The following RASGRF2 variants were observed in gnomAD, a reference collection of about 807,000 sequenced individuals.
RASGRF2 encodes Ras protein specific guanine nucleotide releasing factor 2.
Under a neutral mutation model 151.0 loss-of-function variants are expected in RASGRF2, and 76 were observed. The observed-to-expected ratio is 0.50, with a 90% CI of 0.42 to 0.61. The LOEUF is 0.61. RASGRF2 is among the 20% of genes least tolerant of loss of function. The pLI is 0.00. For missense variants in RASGRF2, 1,148 were observed against 1,564.6 expected (o/e 0.73, Z 4.49); for synonymous variants, 504 against 566.5 (o/e 0.89, Z 1.57).
chr5:81,158,150 T>C (rs1272473758), intron 17 of RASGRF2, among the ~76,000 whole-genome samples: 3 of 152,184 alleles, frequency 2.0e-5, no homozygotes. Context: ...GTTAGCAAGA[T>C]AGTACAGTAT....
intron 17 of RASGRF2, among the ~76,000 whole-genome samples, chr5:81,144,154 A>G (rs1753950425): frequency 6.6e-6 from 1 of 152,246 alleles, no homozygotes; most frequent in Non-Finnish European, 1.5e-5. Context: ...CTCATACATT[A>G]AAAGGATGTG....
In RASGRF2 at chr5:81,113,418, C is replaced by A. The variant is rs541298094; in HGVS notation, c.2088-120C>A. The A allele has an allele frequency of 2.1e-4, 253 of 1,205,584 alleles. 1 individual carries two copies. In the African/African-American group the frequency reaches 3.6e-3, roughly 17 times the overall value. 74.7% of individuals were successfully genotyped at this position (1,205,584 alleles called of 1,614,324 possible). On this transcript the variant is annotated intron_variant, in intron 14 of 26. Coordinates refer to ENST00000265080, the MANE Select transcript of RASGRF2 (RefSeq NM_006909.3). ...TGTAGCATTTAGATTAACGGAAGTC[C>A]AGCAATAGAAGTGCAATGAGATTGT...
At chr5:81,196,448 C>A (rs991745039) in intron 18 of RASGRF2, among the ~76,000 whole-genome samples, 1 of 152,226 alleles carries the variant, frequency 6.6e-6, no homozygotes, top group East Asian at 1.9e-4. Context: ...TATTCAACTG[C>A]GACCATTTGT....
At chr5:80,978,136 G>A (rs1158579359) in intron 1 of RASGRF2, among the ~76,000 whole-genome samples, 1 of 151,834 alleles carries the variant, frequency 6.6e-6, no homozygotes, top group Non-Finnish European at 1.5e-5. Flanking sequence ...AAAATAATAG[G>A]GTTTTCTTCA....
rs551621981 is a variant in RASGRF2, at chr5:81,093,654, A to G, written c.1552-642A>G. On this transcript the variant is annotated intron_variant, in intron 10 of 26. Transcript: ENST00000265080. ...GGTCTTGAACTCCTGGCATCAAGTG[A>G]TCCTCCTGCCTTGGCCTCCCAAAGT... 1.3e-3 allele frequency among the ~76,000 whole-genome samples: 201 copies of G among 152,184 alleles called. 1 individual carries two copies. Among genetic ancestry groups the G allele is most frequent in the Non-Finnish European group, 1.5e-3 (103 of 68,008 alleles).
chr5:80,994,168 A>G (rs569770635), intron 1 of RASGRF2, among the ~76,000 whole-genome samples: 54 of 152,122 alleles, frequency 3.5e-4, no homozygotes, highest in South Asian at 1.2e-3. Flanking sequence ...GATCGAGACC[A>G]TCCTGGCTAA....
At chr5:81,080,950 A>ATT (rs1752069751) in intron 7 of RASGRF2, among the ~76,000 whole-genome samples, 161 bp downstream of exon 7, 1 of 152,162 alleles carries the variant, frequency 6.6e-6, no homozygotes, top group African/African-American at 2.4e-5. Flanking sequence ...ATAAACAAAT[A>ATT]TTGTGCCACA....
chr5:81,210,340 G>A (rs1162476232), intron 22 of RASGRF2, among the ~76,000 whole-genome samples: 1 of 152,238 alleles, frequency 6.6e-6, no homozygotes, highest in South Asian at 2.1e-4. Flanking sequence ...GCGCACAGCT[G>A]TGTGGCCAGC....
At chr5:81,192,152 G>C (rs1561253009) in intron 18 of RASGRF2, among the ~76,000 whole-genome samples, 1 of 152,164 alleles carries the variant, frequency 6.6e-6, no homozygotes, top group Non-Finnish European at 1.5e-5. Flanking sequence ...CCAGGAGCAA[G>C]GCACAGAGCT....
chr5:81,073,620 A>T (rs1330190005), intron 5 of RASGRF2, among the ~76,000 whole-genome samples, 168 bp downstream of exon 5: 3 of 151,788 alleles, frequency 2.0e-5, no homozygotes, highest in Non-Finnish European at 2.9e-5. Context: ...ATTTTATTTT[A>T]TTTATTTATT....
chr5:81,077,908 A>G (rs1425012103), intron 5 of RASGRF2, among the ~76,000 whole-genome samples: 2 of 152,196 alleles, frequency 1.3e-5, no homozygotes, highest in Non-Finnish European at 2.9e-5. Context: ...CTTGATCTGA[A>G]TCAGGAAAGG....
At chr5:81,017,634 G>T (rs1561556549) in intron 1 of RASGRF2, among the ~76,000 whole-genome samples, 1 of 152,168 alleles carries the variant, frequency 6.6e-6, no homozygotes, top group Non-Finnish European at 1.5e-5. Context: ...ACCATGATAT[G>T]AAAAGATAGA....
At chr5:81,193,387 C>G (rs1166509876) in intron 18 of RASGRF2, among the ~76,000 whole-genome samples, 2 of 152,232 alleles carry the variant, frequency 1.3e-5, no homozygotes, top group Admixed American at 1.3e-4. Flanking sequence ...ACCACAGTTT[C>G]CAGATCCCCG....
At chr5:81,083,550 G>A (rs191654176) in intron 7 of RASGRF2, among the ~76,000 whole-genome samples, 98 of 152,318 alleles carry the variant, frequency 6.4e-4, no homozygotes, top group African/African-American at 2.0e-3. Context: ...GTAGAATTTG[G>A]ATGATGCAGT....
At chr5:80,961,146 C>T in intron 1 of RASGRF2, 120 bp downstream of exon 1, 3 of 1,169,954 alleles carry the variant, frequency 2.6e-6, no homozygotes, top group Non-Finnish European at 3.4e-6. Flanking sequence ...CTCCGAAATC[C>T]CCCCGCGTCA....
intron 1 of RASGRF2, among the ~76,000 whole-genome samples, chr5:81,029,440 G>A (rs1282401434): frequency 6.6e-6 from 1 of 152,210 alleles, no homozygotes; most frequent in African/African-American, 2.4e-5. Flanking sequence ...GTGCCCCTCT[G>A]AGATGAAGCT....
chr5:81,091,402 C>T (rs868492035), intron 9 of RASGRF2, among the ~76,000 whole-genome samples: 61 of 152,226 alleles, frequency 4.0e-4, no homozygotes, highest in African/African-American at 1.4e-3. Context: ...GGAGTCAAGC[C>T]GTCTCCTGGC....
intron 3 of RASGRF2, chr5:81,070,010 C>T (rs972030464): frequency 1.0e-4 from 16 of 157,556 alleles, no homozygotes; most frequent in African/African-American, 3.6e-4. Flanking sequence ...CTGAAGTTCC[C>T]GTTACAGTTG....
At chr5:81,217,110 C>G in intron 24 of RASGRF2, 1 of 482,834 alleles carries the variant, frequency 2.1e-6, no homozygotes, top group Non-Finnish European at 3.7e-6. Flanking sequence ...CTAAGATATC[C>G]TGTTGTTTGA....
Sources: gnomAD v4.1 joint callset for allele counts (sites outside exome capture counted in the v4.1 genomes callset) on GRCh38, gnomAD v4.1.1 for gene constraint, MANE v1.5 for transcripts, NCBI Gene and HGNC (gene_info 2026-07-23, HGNC 2026-07-21) for gene names.